The following HNRNPL variants were observed in gnomAD, a reference collection of about 807,000 sequenced individuals.
HNRNPL encodes epididymis secretory sperm binding protein.
In HNRNPL, 12 loss-of-function variants were observed where a neutral mutation model predicts 64.0. That is an observed-to-expected ratio of 0.19 (90% CI 0.12 to 0.30). HNRNPL has a LOEUF of 0.30. HNRNPL is among the 10% of genes least tolerant of loss of function. The pLI is 1.00. For missense variants in HNRNPL, 484 were observed against 797.4 expected, an observed-to-expected ratio of 0.61 and a Z score of 4.73; for synonymous variants, 385 against 313.0, an observed-to-expected ratio of 1.23 and a Z score of -2.43.
chr19:38,846,386 G>A (rs1040402592), intron 2 of HNRNPL, among the ~76,000 whole-genome samples: 1 of 152,174 alleles, frequency 6.6e-6, no homozygotes. Context: ...CTCTAGGAGG[G>A]CAACTTTCTA....
At chr19:38,847,798 C>A (rs932405345) in intron 1 of HNRNPL, among the ~76,000 whole-genome samples, 1 of 152,212 alleles carries the variant, frequency 6.6e-6, no homozygotes, top group East Asian at 1.9e-4. Context: ...AAAGGAGATA[C>A]ACTGGCAGCA....
At chr19:38,838,350 C>CG (rs1322683646) in intron 10 of HNRNPL, 47 bp downstream of exon 10, 1 of 1,497,460 alleles carries the variant, frequency 6.7e-7, no homozygotes, top group Non-Finnish European at 9.2e-7. Context: ...CCTACTCAGA[C>CG]GGCCGTGGCA....
In HNRNPL at chr19:38,840,516, AG is replaced by A; in HGVS notation, c.923del (p.Pro308LeufsTer87). The A allele has an allele frequency of 6.3e-7, 1 of 1,593,342 alleles. No individual in the cohort carries two copies. The highest frequency in any genetic ancestry group is 1.8e-5 in the Admixed American group (1 of 56,492). On this transcript the variant is annotated frameshift_variant, in exon 7 of 13. Coordinates refer to ENST00000221419, the MANE Select transcript of HNRNPL (RefSeq NM_001533.3). LOFTEE classifies it high-confidence loss of function. ...SNPNKRQRQPPLLGDHPAEYG... is the reference protein window; with the variant it reads ...SNPNKRQRQPXLLGDHPAEYG... ...ATTCTGCGGGGTGATCTCCCAGGAG[AG>A]GGGGCTGCCTCTGGCGTTTGTTGGG...
At chr19:38,847,898 C>T (rs114446790) in intron 1 of HNRNPL, among the ~76,000 whole-genome samples, 181 of 152,280 alleles carry the variant, frequency 1.2e-3, no homozygotes, top group African/African-American at 3.9e-3. Flanking sequence ...GGCTGAGCCA[C>T]CATCATCTAG....
chr19:38,845,497 C>A, intron 4 of HNRNPL, 153 bp downstream of exon 4: 2 of 661,530 alleles, frequency 3.0e-6, no homozygotes, highest in Middle Eastern at 7.8e-4. Context: ...CCTTTAACTG[C>A]CTCCCTACTC....
intron 4 of HNRNPL, chr19:38,845,382 T>C (rs1015141061): frequency 9.3e-6 from 4 of 430,314 alleles, no homozygotes; most frequent in Non-Finnish European, 1.7e-5. Flanking sequence ...AATAAATAAA[T>C]AAGTAAATAA....
intron 6 of HNRNPL, 160 bp downstream of exon 6, chr19:38,843,682 C>G: frequency 1.6e-6 from 1 of 632,224 alleles, no homozygotes; most frequent in Non-Finnish European, 2.8e-6. Context: ...GCCTCTCACT[C>G]CCCCATCCCA....
chr19:38,849,839 C>A lies in HNRNPL; in HGVS notation c.128G>T (p.Gly43Val). ...GCCGCCGCCGTAGTAGCGGCCACCG[C>A]CGCCTCCGCCGCCCGCCGCCGCCAT... is the stretch of plus-strand genomic sequence containing the variant. Reference protein sequence around the residue: ...VKMAAAGGGGGGGRYYGGGSE... With the variant: ...VKMAAAGGGGVGGRYYGGGSE... Residue 43 changes from glycine (G) to valine (V), a missense_variant, in exon 1 of 13, where the codon GGC becomes GTC. Coordinates refer to ENST00000221419, the MANE Select transcript of HNRNPL (RefSeq NM_001533.3). 2.5e-6 allele frequency: 3 copies of A among 1,211,142 alleles called. No homozygotes were observed. Among genetic ancestry groups the A allele is most frequent in the Non-Finnish European group, 2.3e-6 (2 of 864,644 alleles). 75.0% of individuals were successfully genotyped at this position (1,211,142 alleles called of 1,614,324 possible). A position where few individuals can be genotyped will look rare whatever the true frequency, so the allele number is the denominator to read the frequency against.
chr19:38,845,347 G>A (rs996170812), intron 4 of HNRNPL: 4 of 316,052 alleles, frequency 1.3e-5, no homozygotes, highest in African/African-American at 8.7e-5. Flanking sequence ...CTCCAGCCCA[G>A]GCAACAAGGG....
chr19:38,841,352 A>T (rs1455444018), intron 6 of HNRNPL: 1 of 349,494 alleles, frequency 2.9e-6, no homozygotes, highest in Non-Finnish European at 5.6e-6. Context: ...TTTTACAGAT[A>T]AGAAGACTGA....
At chr19:38,845,060 C>T (rs1055287023) in intron 4 of HNRNPL, 2 of 152,038 alleles carry the variant, frequency 1.3e-5, no homozygotes, top group Non-Finnish European at 2.9e-5. Context: ...TTTCTCAGGA[C>T]CTCTTGAGAC....
rs900942865 is a variant in HNRNPL, at chr19:38,847,261, A to T, written c.386+55T>A. ...TCCAACCAGAAATCGTGGACACACAAGGACACCCAGGAGTCAACTTTGGAA... is the reference window on the plus strand; with the variant it reads ...TCCAACCAGAAATCGTGGACACACATGGACACCCAGGAGTCAACTTTGGAA... On this transcript the variant is annotated intron_variant, in intron 2 of 12. Coordinates refer to ENST00000221419, the MANE Select transcript of HNRNPL (RefSeq NM_001533.3). 17 of 828,888 alleles carry T rather than the reference A, an allele frequency of 2.1e-5. No homozygotes were observed. In the East Asian group the frequency reaches 4.1e-4, roughly 20 times the overall value. The allele number at this position is 828,888 out of a possible 1,614,324, so 51.3% of individuals were successfully genotyped here. A position where few individuals can be genotyped will look rare whatever the true frequency, so the allele number is the denominator to read the frequency against.
At chr19:38,846,905 CAAAA>C (rs1240252188) in intron 2 of HNRNPL, among the ~76,000 whole-genome samples, 1 of 151,610 alleles carries the variant, frequency 6.6e-6, no homozygotes, top group African/African-American at 2.4e-5. Context: ...GAGACTGTCT[CAAAA>C]CAAACAAACA....
intron 6 of HNRNPL, 167 bp from the exon 7 acceptor site, chr19:38,840,726 A>G: frequency 1.6e-6 from 1 of 635,504 alleles, no homozygotes; most frequent in South Asian, 1.9e-5. Flanking sequence ...GCGGGCATGA[A>G]GCCCGAGCCT....
chr19:38,843,572 C>A (rs1972185314), intron 6 of HNRNPL: 3 of 486,506 alleles, frequency 6.2e-6, no homozygotes, highest in Middle Eastern at 5.5e-4. Flanking sequence ...CACGCCTCAT[C>A]CTCAGTGAGG....
In HNRNPL at chr19:38,836,714, G is replaced by A. The variant is rs543437858; in HGVS notation, c.*8C>T. ...CCTGCTCAGATGGGACTCTTCCTAGGCACCTAATTAGGAGGCGTGCTGAGC... is the reference window on the plus strand; with the variant it reads ...CCTGCTCAGATGGGACTCTTCCTAGACACCTAATTAGGAGGCGTGCTGAGC... On this transcript the variant is annotated 3_prime_UTR_variant, in exon 13 of 13. Coordinates refer to ENST00000221419, the MANE Select transcript of HNRNPL (RefSeq NM_001533.3). 41 of 1,599,056 alleles carry A rather than the reference G, an allele frequency of 2.6e-5. No individual in the cohort carries two copies. Among genetic ancestry groups the A allele is most frequent in the Non-Finnish European group, 3.5e-5 (41 of 1,169,360 alleles).
Position 38,837,487 on chromosome 19 carries a change from C to T in HNRNPL, c.1616-8G>A. ...CAGAGGAGCTGCGCTCACCTGATTGCAAACCAAGGGGAAAAGTAAAGGTTT... is the reference window on the plus strand; with the variant it reads ...CAGAGGAGCTGCGCTCACCTGATTGTAAACCAAGGGGAAAAGTAAAGGTTT... On this transcript the variant is annotated splice_region_variant and splice_polypyrimidine_tract_variant and intron_variant, in intron 11 of 12. Coordinates refer to ENST00000221419, the MANE Select transcript of HNRNPL (RefSeq NM_001533.3). 6.2e-7 allele frequency: 1 copy of T among 1,614,008 alleles called. No homozygotes were observed. The highest frequency in any genetic ancestry group is 1.1e-5 in the South Asian group (1 of 91,084).
chr19:38,847,435 C>A lies in HNRNPL; in HGVS notation c.268-1G>T. 6.7e-7 allele frequency: 1 copy of A among 1,490,790 alleles called. No homozygotes were observed. Among genetic ancestry groups the A allele is most frequent in the South Asian group, 1.3e-5 (1 of 74,966 alleles). The allele number at this position is 1,490,790 out of a possible 1,614,324, so 92.3% of individuals were successfully genotyped here. ...TTTTGTGCGGGTCATCGTAGTTCTCCTGAGAAAGGAAGCAAAAACAAGAAT... is the reference window on the plus strand; with the variant it reads ...TTTTGTGCGGGTCATCGTAGTTCTCATGAGAAAGGAAGCAAAAACAAGAAT... On this transcript the variant is annotated splice_acceptor_variant, in intron 1 of 12. Coordinates refer to ENST00000221419, the MANE Select transcript of HNRNPL (RefSeq NM_001533.3). LOFTEE classifies it high-confidence loss of function.
chr19:38,843,426 C>G (rs1354455467), intron 6 of HNRNPL: 2 of 207,570 alleles, frequency 9.6e-6, no homozygotes, highest in East Asian at 2.4e-4. Context: ...TCATCGCCCC[C>G]CAACACTGTC....
Sources: allele counts gnomAD v4.1 joint callset (sites outside exome capture counted in the v4.1 genomes callset), GRCh38; gene constraint gnomAD v4.1.1; transcripts MANE v1.5; gene names NCBI Gene and HGNC (gene_info 2026-07-23, HGNC 2026-07-21).